The following TSHZ3 variants were observed in gnomAD, a reference collection of about 807,000 sequenced individuals.
The protein encoded by TSHZ3 is teashirt zinc finger homeobox 3.
Under a neutral mutation model 64.5 loss-of-function variants are expected in TSHZ3, and 10 were observed. That is an observed-to-expected ratio of 0.16 (90% CI 0.10 to 0.26). The LOEUF (loss-of-function observed/expected upper bound fraction) is 0.26, where lower values mean the gene tolerates loss of function less well. TSHZ3 is among the 10% of genes least tolerant of loss of function. TSHZ3 has a pLI of 1.00. For missense variants in TSHZ3, 1,242 were observed against 1,421.7 expected (o/e 0.87, Z 2.03); for synonymous variants, 608 against 593.1 (o/e 1.03, Z -0.36).
rs1472368 is a variant in TSHZ3 at position 31,259,911 on chromosome 19, C to T, written n.64-17036G>A. On this transcript the variant is annotated intron_variant and non_coding_transcript_variant, in intron 1 of 6. Coordinates refer to the TSHZ3 transcript ENST00000651361. ...AGAGAAAGCCCAAGATCCCAGGTCT[C>T]TTGTGGGACCAAAATATCACTGATG... Among the ~76,000 whole-genome samples, 557 of 152,314 alleles carry T rather than the reference C, an allele frequency of 3.7e-3. 10 individuals are homozygous for T. In the East Asian group the frequency reaches 0.063, roughly 17 times the overall value.
At position 31,154,803 on chromosome 19, in the gene TSHZ3, GT is replaced by G. The variant is rs368978613; in HGVS notation, n.871+1552del. Among the ~76,000 whole-genome samples the G allele has an allele frequency of 1.6e-3, 250 of 152,122 alleles. 2 individuals carry two copies. Among genetic ancestry groups the G allele is most frequent in the African/African-American group, 5.7e-3 (235 of 41,572 alleles). On this transcript the variant is annotated intron_variant and non_coding_transcript_variant, in intron 6 of 6. Coordinates refer to the TSHZ3 transcript ENST00000651361. ...GGCTTCATTTGAGACCTGAAGTCTG[GT>G]TTTTTAGCCTTCAGGCTGTTTTAGG...
chr19:31,172,247 T>C (rs1974546061), intron 5 of TSHZ3, among the ~76,000 whole-genome samples: 1 of 152,074 alleles, frequency 6.6e-6, no homozygotes, highest in African/African-American at 2.4e-5. Flanking sequence ...AACCAGCAAG[T>C]TGTAGATCCT....
chr19:31,325,566 A>AC (rs1334776308), intron 1 of TSHZ3, among the ~76,000 whole-genome samples: 1 of 152,080 alleles, frequency 6.6e-6, no homozygotes, highest in Non-Finnish European at 1.5e-5. Flanking sequence ...GCGCACTCCC[A>AC]CGCAGCTGTG....
chr19:31,242,767 A>C (rs1975710772), intron 2 of TSHZ3, among the ~76,000 whole-genome samples: 1 of 89,694 alleles, frequency 1.1e-5, no homozygotes, highest in South Asian at 3.3e-4. Flanking sequence ...TAACAGAGAG[A>C]ACCTGGAGTT....
At chr19:31,166,408 G>A (rs73924587) in intron 5 of TSHZ3, among the ~76,000 whole-genome samples, 3,595 of 152,284 alleles carry the variant, frequency 0.024, 138 homozygotes, top group African/African-American at 0.081. Context: ...TAGGGACTTC[G>A]AGGGAGAGGG....
chr19:31,254,372 A>G (rs973572759), intron 1 of TSHZ3, among the ~76,000 whole-genome samples: 5 of 152,148 alleles, frequency 3.3e-5, no homozygotes, highest in African/African-American at 1.2e-4. Context: ...GTCACCACAA[A>G]GCTATGCTGC....
At position 31,203,511 on chromosome 19, in the gene TSHZ3, G is replaced by A. The variant is rs116058850; in HGVS notation, n.809+1445C>T. ...ACAAGGTGGGGGTGGGTAGCAAGGAGAGCCATCTTTGCAGTTCTTATGCTA... is the reference window on the plus strand; with the variant it reads ...ACAAGGTGGGGGTGGGTAGCAAGGAAAGCCATCTTTGCAGTTCTTATGCTA... On this transcript the variant is annotated intron_variant and non_coding_transcript_variant, in intron 5 of 6. Transcript: ENST00000651361. 4.3e-3 allele frequency among the ~76,000 whole-genome samples: 649 copies of A among 152,318 alleles called. 4 individuals are homozygous for A. Among genetic ancestry groups the A allele is most frequent in the African/African-American group, 0.015 (623 of 41,560 alleles).
intron 1 of TSHZ3, among the ~76,000 whole-genome samples, chr19:31,347,412 G>A (rs1256195405): frequency 6.6e-6 from 1 of 151,958 alleles, no homozygotes; most frequent in East Asian, 1.9e-4. Flanking sequence ...ATGGTTCATT[G>A]GATGGAGGCA....
At chr19:31,194,955 A>G (rs1296223413) in intron 5 of TSHZ3, among the ~76,000 whole-genome samples, 2 of 152,172 alleles carry the variant, frequency 1.3e-5, no homozygotes, top group African/African-American at 2.4e-5. Flanking sequence ...CACGCCTTTG[A>G]TGGGCTTGTA....
chr19:31,304,546 A>C (rs1599637260), intron 1 of TSHZ3, among the ~76,000 whole-genome samples: 1 of 152,328 alleles, frequency 6.6e-6, no homozygotes, highest in South Asian at 2.1e-4. Flanking sequence ...AAATATCAAA[A>C]CCTGAAAATG....
At chr19:31,172,413 G>C (rs1896103802) in intron 5 of TSHZ3, among the ~76,000 whole-genome samples, 1 of 152,178 alleles carries the variant, frequency 6.6e-6, no homozygotes, top group Non-Finnish European at 1.5e-5. Flanking sequence ...GGTGGCAGCA[G>C]TACAAATCTC....
chr19:31,257,162 G>A (rs1325284501), intron 1 of TSHZ3, among the ~76,000 whole-genome samples: 1 of 152,128 alleles, frequency 6.6e-6, no homozygotes, highest in African/African-American at 2.4e-5. Context: ...TAGAGAGAAT[G>A]GACATTGTAA....
Position 31,341,589 on chromosome 19 carries a change from T to TC in TSHZ3, c.40+7590dup, listed in dbSNP as rs1209281280. On this transcript the variant is annotated intron_variant, in intron 1 of 1. Coordinates refer to ENST00000240587, the MANE Select transcript of TSHZ3 (RefSeq NM_020856.4). Reference sequence around the variant, plus strand: ...GTTATAGAAAGGTGGCCTTCTCTGTTCACCTGCTAGCATGCACTCACTCTC... The same window carrying TC: ...GTTATAGAAAGGTGGCCTTCTCTGTTCCACCTGCTAGCATGCACTCACTCTC... Among the ~76,000 whole-genome samples the TC allele has an allele frequency of 2.0e-4, 30 of 150,922 alleles. No homozygotes were observed. The South Asian group carries it at 5.2e-3, about 26-fold the overall frequency.
chr19:31,302,862 T>C (rs936958067), intron 1 of TSHZ3, among the ~76,000 whole-genome samples: 1 of 152,128 alleles, frequency 6.6e-6, no homozygotes, highest in East Asian at 1.9e-4. Context: ...GGCCAAAATT[T>C]AGGGTGGATT....
At chr19:31,183,448 G>A (rs1974755420) in intron 5 of TSHZ3, among the ~76,000 whole-genome samples, 1 of 152,134 alleles carries the variant, frequency 6.6e-6, no homozygotes, top group South Asian at 2.1e-4. Context: ...ACTACTCTGA[G>A]AATCAGAAAA....
At chr19:31,217,413 T>A (rs1249044065) in intron 4 of TSHZ3, among the ~76,000 whole-genome samples, 2 of 152,082 alleles carry the variant, frequency 1.3e-5, no homozygotes, top group Non-Finnish European at 1.5e-5. Flanking sequence ...TTATTTAAAG[T>A]GCAAAGCAAA....
At chr19:31,262,507 G>C (rs962368142) in intron 1 of TSHZ3, among the ~76,000 whole-genome samples, 11 of 152,150 alleles carry the variant, frequency 7.2e-5, no homozygotes, top group Non-Finnish European at 1.2e-4. Context: ...TTACTAGTAA[G>C]ATAGGTTTTT....
chr19:31,189,561 AT>A (rs146844638), intron 5 of TSHZ3, among the ~76,000 whole-genome samples: 3,297 of 148,550 alleles, frequency 0.022, 117 homozygotes, highest in African/African-American at 0.074. Context: ...TGTATTTGTC[AT>A]TTTTTTTTTC....
chr19:31,256,028 G>A (rs755476220), intron 1 of TSHZ3, among the ~76,000 whole-genome samples: 2 of 152,086 alleles, frequency 1.3e-5, no homozygotes, highest in South Asian at 2.1e-4. Flanking sequence ...GAGAGCGCAG[G>A]GGTGGCGCCA....
Sources: gnomAD v4.1 joint callset for allele counts (sites outside exome capture counted in the v4.1 genomes callset) on GRCh38, gnomAD v4.1.1 for gene constraint, MANE v1.5 for transcripts, NCBI Gene and HGNC (gene_info 2026-07-23, HGNC 2026-07-21) for gene names.